Variants in GOLPH3 observed in about 807,000 individuals in gnomAD.
GOLPH3 encodes the protein golgi phosphoprotein 3, also known as coat protein GPP34.
In GOLPH3, 14 loss-of-function variants were observed where a neutral mutation model predicts 28.5. That is an observed-to-expected ratio of 0.49 (90% CI 0.32 to 0.77). The LOEUF (loss-of-function observed/expected upper bound fraction) is 0.77. Ranked by LOEUF, GOLPH3 falls within the 30% of genes least tolerant of loss-of-function variation. GOLPH3 has a pLI of 0.03. For missense variants in GOLPH3, 350 were observed against 393.7 expected (o/e 0.89, Z 0.94); for synonymous variants, 158 against 159.2 (o/e 0.99, Z 0.06).
At chr5:32,167,920 C>A (rs1279818850) in intron 1 of GOLPH3, among the ~76,000 whole-genome samples, 1 of 152,060 alleles carries the variant, frequency 6.6e-6, no homozygotes, top group African/African-American at 2.4e-5. Flanking sequence ...CACCACCACA[C>A]TCCAGTCTGG....
In GOLPH3 at chr5:32,173,678, C is replaced by T. The variant is rs527287480; in HGVS notation, c.225+132G>A. The T allele has an allele frequency of 4.3e-5, 24 of 553,354 alleles. No homozygotes were observed. The South Asian group carries it at 4.8e-4, about 11-fold the overall frequency. 34.3% of individuals were successfully genotyped at this position (553,354 alleles called of 1,614,324 possible). The stretch of plus-strand genomic sequence containing the variant: ...CCGCTCGGCGTCAGCTGGGCGCCAC[C>T]AGGCGCGGACTTCGGAGCGAGGGCA... On this transcript the variant is annotated intron_variant, in intron 1 of 3. Transcript: ENST00000265070.
intron 1 of GOLPH3, among the ~76,000 whole-genome samples, chr5:32,170,488 G>A (rs1746807911): frequency 6.6e-6 from 1 of 152,196 alleles, no homozygotes; most frequent in Non-Finnish European, 1.5e-5. Context: ...AAATGCTGAA[G>A]TAAAAATCAG....
chr5:32,158,003 AAATAAATAAAT>A (rs1171369102), intron 1 of GOLPH3, among the ~76,000 whole-genome samples: 6 of 98,152 alleles, frequency 6.1e-5, no homozygotes, highest in Admixed American at 5.0e-4. Context: ...ATAAATAAAT[AAATAAATAAAT>A]AAATAAAATA....
At chr5:32,169,051 A>G (rs1746775891) in intron 1 of GOLPH3, among the ~76,000 whole-genome samples, 1 of 152,010 alleles carries the variant, frequency 6.6e-6, no homozygotes, top group South Asian at 2.1e-4. Flanking sequence ...AAGCGGGAGG[A>G]TCACTTGATC....
In GOLPH3 at chr5:32,158,138, C is replaced by A. The variant is rs1459052740; in HGVS notation, c.226-14258G>T. 5.9e-4 allele frequency among the ~76,000 whole-genome samples: 54 copies of A among 91,702 alleles called. 1 individual carries two copies. Among genetic ancestry groups the A allele is most frequent in the African/African-American group, 2.1e-3 (51 of 24,360 alleles). The allele number at this position is 91,702 out of a possible 152,430, so 60.2% of individuals were successfully genotyped here. On this transcript the variant is annotated intron_variant, in intron 1 of 3. Transcript: ENST00000265070. Reference sequence around the variant, plus strand: ...AATAAATAAATAAATAAAATACACACACACACACACACACACACACACACA... The same window carrying A: ...AATAAATAAATAAATAAAATACACAAACACACACACACACACACACACACA...
intron 3 of GOLPH3, among the ~76,000 whole-genome samples, chr5:32,132,677 G>A (rs59883093): frequency 0.061 from 9,260 of 152,080 alleles, 635 homozygotes; most frequent in African/African-American, 0.16. Context: ...TTATATTGAA[G>A]CAACAGAAAA....
chr5:32,127,592 A>G (rs892732784), intron 3 of GOLPH3, among the ~76,000 whole-genome samples: 1 of 152,230 alleles, frequency 6.6e-6, no homozygotes, highest in African/African-American at 2.4e-5. Context: ...CACGTATACA[A>G]TAGTGACGTA....
At chr5:32,133,007 G>A (rs984715223) in intron 3 of GOLPH3, among the ~76,000 whole-genome samples, 2 of 152,136 alleles carry the variant, frequency 1.3e-5, no homozygotes, top group Non-Finnish European at 1.5e-5. Context: ...AAGTGCTACA[G>A]GCAATGTTCT....
chr5:32,164,646 T>TTGG (rs1315232420), intron 1 of GOLPH3, among the ~76,000 whole-genome samples: 1 of 152,026 alleles, frequency 6.6e-6, no homozygotes, highest in Non-Finnish European at 1.5e-5. Context: ...TCCACCCGCC[T>TTGG]CAACTCCCAA....
chr5:32,126,378 T>C lies in GOLPH3; in HGVS notation c.731A>G (p.His244Arg), dbSNP rs765927675. The change falls in exon 4 of 4, where the codon CAT (histidine) becomes CGT (arginine). Residue 244 changes from histidine to arginine, a missense_variant. His to Arg is a conservative substitution (Grantham distance 29). Transcript: ENST00000265070. ...AGCATTCTCCAGGACGTCCGAGGCA[T>C]GAGCCAGGTAAATGAGGGCCAGCAA... ...RRLLALIYLA[H>R]ASDVLENAFA... 2 of 1,614,064 alleles carry C rather than the reference T, an allele frequency of 1.2e-6. No individual in the cohort carries two copies. The highest frequency in any genetic ancestry group is 1.7e-6 in the Non-Finnish European group (2 of 1,180,042).
At position 32,135,353 on chromosome 5, in the gene GOLPH3, A is replaced by G. The variant is rs141733955; in HGVS notation, c.472+219T>C. Among the ~76,000 whole-genome samples, 62 of 152,336 alleles carry G rather than the reference A, an allele frequency of 4.1e-4. 1 individual carries two copies. The East Asian group carries it at 0.012, about 28-fold the overall frequency. ...TTTTGATAAAGAACATGGGAGCTCT[A>G]AGAGTATTATCTTCGCATTCTATAT... On this transcript the variant is annotated intron_variant, in intron 3 of 3. Coordinates refer to ENST00000265070, the MANE Select transcript of GOLPH3 (RefSeq NM_022130.4).
chr5:32,169,411 T>C (rs1298079405), intron 1 of GOLPH3, among the ~76,000 whole-genome samples: 1 of 152,228 alleles, frequency 6.6e-6, no homozygotes, highest in Non-Finnish European at 1.5e-5. Context: ...TTTTCCATTA[T>C]ACATGAAAAC....
At chr5:32,164,204 A>C (rs1746654956) in intron 1 of GOLPH3, among the ~76,000 whole-genome samples, 2 of 152,196 alleles carry the variant, frequency 1.3e-5, no homozygotes, top group South Asian at 2.1e-4. Flanking sequence ...ACCTCAACTA[A>C]GCACAAGCTT....
At chr5:32,143,990 C>T (rs946137482) in intron 1 of GOLPH3, 110 bp from the exon 2 acceptor site, 22 of 631,092 alleles carry the variant, frequency 3.5e-5, no homozygotes, top group Non-Finnish European at 5.5e-5. Flanking sequence ...TTTTACCTTT[C>T]CTGTCTTTCT....
At chr5:32,133,242 G>C (rs528888253) in intron 3 of GOLPH3, among the ~76,000 whole-genome samples, 35 of 152,296 alleles carry the variant, frequency 2.3e-4, no homozygotes, top group African/African-American at 8.2e-4. Flanking sequence ...ACCAAGTTCA[G>C]TTAGCATTTA....
intron 1 of GOLPH3, among the ~76,000 whole-genome samples, chr5:32,150,554 C>T (rs1368895483): frequency 2.0e-5 from 3 of 151,652 alleles, no homozygotes; most frequent in African/African-American, 7.3e-5. Context: ...CACACTGGCA[C>T]ATGAATAGAC....
rs11541491 is a variant in GOLPH3, at chr5:32,174,040, C to T, written c.-6G>A. 2.4e-6 allele frequency: 3 copies of T among 1,275,262 alleles called. No homozygotes were observed. The highest frequency in any genetic ancestry group is 3.0e-6 in the Non-Finnish European group (3 of 1,016,710). The allele number at this position is 1,275,262 out of a possible 1,614,324, so 79.0% of individuals were successfully genotyped here. A position where few individuals can be genotyped will look rare whatever the true frequency, so the allele number is the denominator to read the frequency against. ...CGCTGGGTCAGCGAGGTCATGGCTC[C>T]CGCCGAGGCGCCGAGCCGGGCCGAG... is the stretch of plus-strand genomic sequence containing the variant. On this transcript the variant is annotated 5_prime_UTR_variant, in exon 1 of 4. Coordinates refer to ENST00000265070, the MANE Select transcript of GOLPH3 (RefSeq NM_022130.4).
intron 1 of GOLPH3, among the ~76,000 whole-genome samples, chr5:32,157,331 G>A: frequency 6.6e-6 from 1 of 152,080 alleles, no homozygotes; most frequent in East Asian, 1.9e-4. Flanking sequence ...TCCCCACCCA[G>A]CACAATAAGT....
At chr5:32,172,487 G>A (rs565401118) in intron 1 of GOLPH3, among the ~76,000 whole-genome samples, 1 of 152,022 alleles carries the variant, frequency 6.6e-6, no homozygotes, top group South Asian at 2.1e-4. Context: ...ACTAGGTCAA[G>A]AGATCGAGAC....
Sources: allele counts gnomAD v4.1 joint callset (sites outside exome capture counted in the v4.1 genomes callset), GRCh38; gene constraint gnomAD v4.1.1; transcripts MANE v1.5; gene names NCBI Gene and HGNC (gene_info 2026-07-23, HGNC 2026-07-21).